The following APAF1 variants were observed in gnomAD, a reference collection of about 807,000 sequenced individuals.
The protein encoded by APAF1 is apoptotic protease-activating factor 1.
A neutral mutation model predicts 152.4 loss-of-function variants in APAF1; 91 were observed. The observed-to-expected ratio is 0.60, with a 90% CI of 0.50 to 0.71. The LOEUF (loss-of-function observed/expected upper bound fraction) is 0.71. Among genes scored for constraint, APAF1 ranks in the 30% least tolerant of loss-of-function variants. The pLI is 0.00. For synonymous variants in APAF1, 484 were observed against 494.1 expected (o/e 0.98, Z 0.27); for missense variants, 1,283 against 1,472.0 (o/e 0.87, Z 2.10).
intron 16 of APAF1, among the ~76,000 whole-genome samples, chr12:98,691,485 A>G (rs1474399009): frequency 6.6e-6 from 1 of 152,062 alleles, no homozygotes; most frequent in Non-Finnish European, 1.5e-5. Context: ...TAAGTCATCT[A>G]TACTTGCCTC....
chr12:98,724,894 GAA>G (rs5800361), intron 24 of APAF1, among the ~76,000 whole-genome samples: 8 of 149,210 alleles, frequency 5.4e-5, no homozygotes, highest in South Asian at 2.1e-4. Flanking sequence ...AATATTGAAA[GAA>G]AAAAAAAATA....
chr12:98,678,932 C>T (rs2097689433), intron 13 of APAF1, among the ~76,000 whole-genome samples: 1 of 152,190 alleles, frequency 6.6e-6, no homozygotes, highest in African/African-American at 2.4e-5. Flanking sequence ...GCAGGCTCCC[C>T]TTGGCACCTA....
chr12:98,714,046 GATA>G (rs1333034915), intron 21 of APAF1, among the ~76,000 whole-genome samples: 2 of 152,178 alleles, frequency 1.3e-5, no homozygotes, highest in Non-Finnish European at 2.9e-5. Flanking sequence ...TTAAGCAAGG[GATA>G]ATTGTATGTT....
intron 9 of APAF1, 46 bp from the exon 10 acceptor site, chr12:98,667,467 G>A (rs775291215): frequency 6.2e-7 from 1 of 1,605,558 alleles, no homozygotes; most frequent in South Asian, 1.1e-5. Flanking sequence ...TGATGCTTAG[G>A]TTATAAAATT....
intron 16 of APAF1, among the ~76,000 whole-genome samples, chr12:98,696,321 A>G (rs2097709807): frequency 6.6e-6 from 1 of 152,204 alleles, no homozygotes; most frequent in African/African-American, 2.4e-5. Context: ...GATTGAAGAT[A>G]GCGAAACCCA....
At position 98,732,894 on chromosome 12, in the gene APAF1, G is replaced by T. The variant is rs2097764329; in HGVS notation, c.*328G>T. 3 of 311,470 alleles carry T rather than the reference G, an allele frequency of 9.6e-6. No homozygotes were observed. Among genetic ancestry groups the T allele is most frequent in the South Asian group, 9.4e-5 (3 of 31,780 alleles). 19.3% of individuals were successfully genotyped at this position (311,470 alleles called of 1,614,324 possible). ...CATAATTAATGAGAAGAATTTGGAA[G>T]AAATTGGTATTTTAATACTGTCTGT... On this transcript the variant is annotated 3_prime_UTR_variant, in exon 27 of 27. Transcript: ENST00000551964.
intron 17 of APAF1, among the ~76,000 whole-genome samples, chr12:98,701,513 T>C (rs1486311613): frequency 6.6e-6 from 1 of 152,264 alleles, no homozygotes; most frequent in Non-Finnish European, 1.5e-5. Context: ...AAACTTGTTA[T>C]TGTTCATTTT....
At chr12:98,717,221 A>G (rs2097735839) in intron 22 of APAF1, among the ~76,000 whole-genome samples, 1 of 151,674 alleles carries the variant, frequency 6.6e-6, no homozygotes, top group Non-Finnish European at 1.5e-5. Context: ...CAGCCATTTT[A>G]TTGAGTTTTT....
rs569239318 is a variant in APAF1, at chr12:98,719,632, G to A, written c.3085-3561G>A. ...CTCCCAAAGTGCTGGGATTACAAGCGTAAGCCACCACGCCTGGCCACTTTT... is the reference window on the plus strand; with the variant it reads ...CTCCCAAAGTGCTGGGATTACAAGCATAAGCCACCACGCCTGGCCACTTTT... On this transcript the variant is annotated intron_variant, in intron 22 of 26. Coordinates refer to ENST00000551964, the MANE Select transcript of APAF1 (RefSeq NM_181861.2). 4.5e-4 allele frequency among the ~76,000 whole-genome samples: 69 copies of A among 151,912 alleles called. No homozygotes were observed. The South Asian group carries it at 0.013, about 28-fold the overall frequency.
intron 12 of APAF1, among the ~76,000 whole-genome samples, chr12:98,676,979 G>A (rs1337226755): frequency 1.3e-5 from 2 of 152,178 alleles, no homozygotes; most frequent in Non-Finnish European, 2.9e-5. Context: ...CATAATAATG[G>A]TGGGTGTTTC....
chr12:98,690,731 G>A (rs949851239), intron 16 of APAF1, among the ~76,000 whole-genome samples: 1 of 152,074 alleles, frequency 6.6e-6, no homozygotes, highest in African/African-American at 2.4e-5. Context: ...TTTTCCACTA[G>A]TGCCTATTCT....
In APAF1 at chr12:98,670,988, A is replaced by G. The variant is rs753017289; in HGVS notation, c.1510A>G (p.Met504Val). The change falls in exon 11 of 27, where the codon ATG becomes GTG. Residue 504 changes from methionine to valine, a missense_variant. Met to Val is a conservative substitution (Grantham distance 21). Transcript: ENST00000551964. ...TTTTTTAAAGGAACTTTGTGCTTTAATGTTTTCCCTGGATTGGATTAAAGC... is the reference window on the plus strand; with the variant it reads ...TTTTTTAAAGGAACTTTGTGCTTTAGTGTTTTCCCTGGATTGGATTAAAGC... Reference protein sequence around the residue: ...AKMHKELCALMFSLDWIKAKT... With the variant: ...AKMHKELCALVFSLDWIKAKT... 5 of 1,612,638 alleles carry G rather than the reference A, an allele frequency of 3.1e-6. No homozygotes were observed. The highest frequency in any genetic ancestry group is 2.2e-5 in the East Asian group (1 of 44,730).
intron 18 of APAF1, among the ~76,000 whole-genome samples, chr12:98,704,034 C>G (rs1472766347): frequency 6.6e-6 from 1 of 152,096 alleles, no homozygotes; most frequent in Non-Finnish European, 1.5e-5. Flanking sequence ...GTATACCTAG[C>G]TGGCCCTGGA....
Position 98,653,719 on chromosome 12 carries a change from T to G in APAF1, c.526+4035T>G, listed in dbSNP as rs184626513. On this transcript the variant is annotated intron_variant, in intron 4 of 26. Coordinates refer to ENST00000551964, the MANE Select transcript of APAF1 (RefSeq NM_181861.2). ...ATATATATATATATATATATATATATATATAGTTTTTAACTATTTATGTCT... is the reference window on the plus strand; with the variant it reads ...ATATATATATATATATATATATATAGATATAGTTTTTAACTATTTATGTCT... 7.2e-3 allele frequency among the ~76,000 whole-genome samples: 775 copies of G among 108,120 alleles called. 37 individuals are homozygous for G. The highest frequency in any genetic ancestry group is 0.024 in the African/African-American group (650 of 26,590). 70.9% of individuals were successfully genotyped at this position (108,120 alleles called of 152,430 possible).
At chr12:98,679,179 C>T (rs940936634) in intron 13 of APAF1, among the ~76,000 whole-genome samples, 5 of 152,194 alleles carry the variant, frequency 3.3e-5, no homozygotes, top group Admixed American at 6.5e-5. Flanking sequence ...ATAAAAGCCT[C>T]GGGCTTAGCC....
At chr12:98,670,868 T>G in intron 10 of APAF1, 105 bp from the exon 11 acceptor site, 1 of 717,658 alleles carries the variant, frequency 1.4e-6, no homozygotes, top group Non-Finnish European at 2.5e-6. Flanking sequence ...TCCTTTAAAT[T>G]CTAGATATTT....
At chr12:98,671,840 A>T in intron 12 of APAF1, 121 bp downstream of exon 12, 1 of 897,968 alleles carries the variant, frequency 1.1e-6, no homozygotes, top group Non-Finnish European at 1.8e-6. Flanking sequence ...GGAACTTTTA[A>T]TAAGCATTCT....
At chr12:98,696,217 A>G (rs1029585690) in intron 16 of APAF1, among the ~76,000 whole-genome samples, 1 of 152,118 alleles carries the variant, frequency 6.6e-6, no homozygotes, top group Non-Finnish European at 1.5e-5. Context: ...CAGGATTGGG[A>G]AGCTACACCT....
chr12:98,723,240 G>A lies in APAF1; in HGVS notation c.3132G>A (p.Gln1044=). ...AATGTATCTTTCTACGAGGCCATCA[G>A]GAAACAGTGAAAGACTTTAGACTCT... ...LDKCIFLRGH[Q]ETVKDFRLLK... is the part of the protein sequence containing the mutation. Residue 1044 remains glutamine, a synonymous_variant, in exon 23 of 27, where the codon CAG becomes CAA. Coordinates refer to ENST00000551964, the MANE Select transcript of APAF1 (RefSeq NM_181861.2). 1 of 1,613,560 alleles carries A rather than the reference G, an allele frequency of 6.2e-7. No homozygotes were observed. Among genetic ancestry groups the A allele is most frequent in the Non-Finnish European group, 8.5e-7 (1 of 1,179,558 alleles).
Sources: allele counts gnomAD v4.1 joint callset (sites outside exome capture counted in the v4.1 genomes callset), GRCh38; gene constraint gnomAD v4.1.1; transcripts MANE v1.5; gene names NCBI Gene and HGNC (gene_info 2026-07-23, HGNC 2026-07-21).